Variants in DNAAF4 observed in about 807,000 individuals in gnomAD.
DNAAF4 encodes dynein axonemal assembly factor 4, also known as dynein assembly factor 4, axonemal.
Under a neutral mutation model 51.8 loss-of-function variants are expected in DNAAF4, and 43 were observed. The ratio of observed to expected loss-of-function variants is 0.83; its 90% confidence interval spans 0.65 to 1.07. The LOEUF is 1.07. DNAAF4 is among the 50% of genes least tolerant of loss of function. The pLI is 0.00. For missense variants in DNAAF4, 581 were observed against 493.0 expected, an observed-to-expected ratio of 1.18 and a Z score of -1.69; for synonymous variants, 194 against 165.6, an observed-to-expected ratio of 1.17 and a Z score of -1.32.
At chr15:55,473,311 G>A (rs147916446) in intron 4 of DNAAF4, among the ~76,000 whole-genome samples, 551 of 34,812 alleles carry the variant, frequency 0.016, 4 homozygotes, top group African/African-American at 0.043. Context: ...ATATATGTGT[G>A]TATATATGTG....
chr15:55,487,171 C>T lies in DNAAF4; in HGVS notation c.405+3952G>A, dbSNP rs566590856. Among the ~76,000 whole-genome samples the T allele has an allele frequency of 1.2e-4, 19 of 152,304 alleles. No individual in the cohort carries two copies. In the South Asian group the frequency reaches 2.5e-3, roughly 20 times the overall value. ...TCCTGTCTAGCTAAAGGATTGTAAA[C>T]GCACCAATCAGCACTCTGTAAAAAT... On this transcript the variant is annotated intron_variant, in intron 4 of 9. Transcript: ENST00000321149.
chr15:55,481,828 C>G (rs886463999), intron 4 of DNAAF4, among the ~76,000 whole-genome samples: 1 of 152,176 alleles, frequency 6.6e-6, no homozygotes, highest in Non-Finnish European at 1.5e-5. Flanking sequence ...ATGCCAAGGG[C>G]CAGAGGCCCC....
chr15:55,430,811 A>G, intron 9 of DNAAF4, 32 bp from the exon 10 acceptor site: 1 of 1,505,542 alleles, frequency 6.6e-7, no homozygotes, highest in Non-Finnish European at 9.2e-7. Flanking sequence ...GATTAATACA[A>G]TAAATATTTT....
intron 4 of DNAAF4, among the ~76,000 whole-genome samples, chr15:55,477,484 G>C (rs1452216251): frequency 6.6e-6 from 1 of 151,902 alleles, no homozygotes; most frequent in Non-Finnish European, 1.5e-5. Context: ...ACCAAAGGGA[G>C]GAGTAGAAAA....
intron 6 of DNAAF4, among the ~76,000 whole-genome samples, chr15:55,449,285 CG>C (rs1325113862): frequency 1.3e-5 from 2 of 151,530 alleles, no homozygotes; most frequent in Non-Finnish European, 2.9e-5. Flanking sequence ...CCACCACGCC[CG>C]GCTTGTCATT....
At chr15:55,438,623 A>G (rs1266302457) in intron 7 of DNAAF4, among the ~76,000 whole-genome samples, 1 of 151,954 alleles carries the variant, frequency 6.6e-6, no homozygotes, top group Non-Finnish European at 1.5e-5. Context: ...CTCTACTAAA[A>G]ATACAAAAAA....
intron 4 of DNAAF4, among the ~76,000 whole-genome samples, chr15:55,474,518 C>T (rs1432913484): frequency 1.3e-5 from 2 of 148,974 alleles, no homozygotes; most frequent in African/African-American, 5.0e-5. Flanking sequence ...TGGGCGACAG[C>T]GTGAGGCTCC....
downstream of DNAAF4, among the ~76,000 whole-genome samples, chr15:55,427,917 G>A (rs1195011391): frequency 6.6e-6 from 1 of 152,016 alleles, no homozygotes; most frequent in Non-Finnish European, 1.5e-5. Context: ...TTGCAGGCAT[G>A]AGCCACCGCG....
intron 6 of DNAAF4, among the ~76,000 whole-genome samples, chr15:55,446,302 G>A (rs1161010465): frequency 8.8e-6 from 1 of 113,140 alleles, no homozygotes; most frequent in Non-Finnish European, 1.9e-5. Flanking sequence ...CAGACGGGGG[G>A]GGGGGGCAGC....
At chr15:55,505,926 A>G (rs1297837921) in intron 1 of DNAAF4, among the ~76,000 whole-genome samples, 1 of 152,226 alleles carries the variant, frequency 6.6e-6, no homozygotes, top group Admixed American at 6.5e-5. Flanking sequence ...TAATAAAAAA[A>G]GTAGCTGTTG....
intron 6 of DNAAF4, chr15:55,443,254 C>A: frequency 6.2e-7 from 1 of 1,600,748 alleles, no homozygotes; most frequent in South Asian, 1.1e-5. Context: ...AGAAAATGAC[C>A]TCAGCGCGGG....
intron 4 of DNAAF4, among the ~76,000 whole-genome samples, chr15:55,473,716 C>A (rs1300206363): frequency 6.6e-6 from 1 of 152,016 alleles, no homozygotes; most frequent in East Asian, 1.9e-4. Flanking sequence ...AATAGCCGGG[C>A]GCAGTGGCTC....
At chr15:55,495,803 A>G (rs1381743430) in intron 3 of DNAAF4, among the ~76,000 whole-genome samples, 4 of 152,254 alleles carry the variant, frequency 2.6e-5, no homozygotes, top group African/African-American at 4.8e-5. Context: ...AAACATGACA[A>G]CTAAAGAAGG....
downstream of DNAAF4, among the ~76,000 whole-genome samples, chr15:55,425,785 A>AAGGG (rs2057425758): frequency 6.6e-6 from 1 of 152,222 alleles, no homozygotes; most frequent in Non-Finnish European, 1.5e-5. Context: ...GCTTGATGTA[A>AAGGG]TTCACAACCT....
intron 5 of DNAAF4, among the ~76,000 whole-genome samples, chr15:55,452,235 A>C (rs1220576342): frequency 1.9e-5 from 2 of 103,934 alleles, no homozygotes; most frequent in South Asian, 3.9e-4. Flanking sequence ...ACAACAGAGC[A>C]TGTCTCACTA....
chr15:55,491,187 G>A lies in DNAAF4; in HGVS notation c.341C>T (p.Ala114Val), dbSNP rs1567033044. Residue 114 changes from alanine to valine, a missense_variant, in exon 4 of 10, where the codon GCT (alanine) becomes GTT (valine). Transcript: ENST00000321149. ...ILQAQERAKE[A>V]TEAKAAAKRE... ...CTTTGCTGCAGCTTTTGCTTCTGTA[G>A]CTTCTTTTGCTCTCTCTTGTGCTTG... 3 of 1,613,930 alleles carry A rather than the reference G, an allele frequency of 1.9e-6. No homozygotes were observed. Among genetic ancestry groups the A allele is most frequent in the Non-Finnish European group, 2.5e-6 (3 of 1,179,976 alleles).
intron 4 of DNAAF4, among the ~76,000 whole-genome samples, chr15:55,479,567 A>G (rs1595938418): frequency 6.6e-6 from 1 of 151,920 alleles, no homozygotes. Flanking sequence ...GAAGACAACC[A>G]TAAGGTCTGA....
chr15:55,483,343 C>G (rs113024375), intron 4 of DNAAF4, among the ~76,000 whole-genome samples: 36,197 of 151,584 alleles, frequency 0.24, 5,393 homozygotes, highest in Non-Finnish European at 0.34. Context: ...GATCCGCCCC[C>G]CTCAGCCTCC....
rs781289552 is a variant in DNAAF4, at chr15:55,466,974, T to C, written c.593A>G (p.Lys198Arg). The change falls in exon 5 of 10, where the codon AAG becomes AGG. Residue 198 changes from lysine (K) to arginine (R), a missense_variant. By Grantham distance (26) the Lys-to-Arg change is conservative. Coordinates refer to ENST00000321149, the MANE Select transcript of DNAAF4 (RefSeq NM_130810.4). ...AGATGCCAAATTTCTAGTAAGACTC[T>C]TATATTTTATTTTTTTTCTTTCTTC... ...IKEERKKIKYKSLTRNLASRN... is the reference protein window; with the variant it reads ...IKEERKKIKYRSLTRNLASRN... The C allele has an allele frequency of 6.3e-6, 10 of 1,585,420 alleles. No homozygotes were observed. Among genetic ancestry groups the C allele is most frequent in the Admixed American group, 5.8e-5 (3 of 51,994 alleles).
Sources: allele counts gnomAD v4.1 joint callset (sites outside exome capture counted in the v4.1 genomes callset), GRCh38; gene constraint gnomAD v4.1.1; transcripts MANE v1.5; gene names NCBI Gene and HGNC (gene_info 2026-07-23, HGNC 2026-07-21).